Variants in TBL1XR1 observed in about 807,000 individuals in gnomAD.
The protein encoded by TBL1XR1 is TBL1X/Y related 1, also known as F-box-like/WD repeat-containing protein TBL1XR1.
A neutral mutation model predicts 66.9 loss-of-function variants in TBL1XR1; 5 were observed. The observed-to-expected ratio is 0.07, with a 90% CI of 0.04 to 0.16. The LOEUF (loss-of-function observed/expected upper bound fraction) is 0.16. TBL1XR1 is among the 10% of genes least tolerant of loss of function. The pLI is 1.00. For synonymous variants in TBL1XR1, 210 were observed against 206.0 expected, an observed-to-expected ratio of 1.02 and a Z score of -0.17; for missense variants, 238 against 623.2, an observed-to-expected ratio of 0.38 and a Z score of 6.58.
chr3:177,153,174 G>A (rs1731097205), intron 1 of TBL1XR1, among the ~76,000 whole-genome samples: 1 of 152,008 alleles, frequency 6.6e-6, no homozygotes, highest in Non-Finnish European at 1.5e-5. Flanking sequence ...GAAGTAAAAA[G>A]ATTAACACAT....
rs12636738 is a variant in TBL1XR1 at position 177,158,247 on chromosome 3, T to A, written c.-122+38874A>T. ...TTCTTTTCTTTTTTTTTTTTTTTTTTAAGACAGTCTTGCTCAGTCGCCCAG... is the reference window on the plus strand; with the variant it reads ...TTCTTTTCTTTTTTTTTTTTTTTTTAAAGACAGTCTTGCTCAGTCGCCCAG... On this transcript the variant is annotated intron_variant, in intron 1 of 15. Coordinates refer to ENST00000457928, the MANE Select transcript of TBL1XR1 (RefSeq NM_024665.7). Among the ~76,000 whole-genome samples the A allele has an allele frequency of 0.047, 6,774 of 145,434 alleles. 753 individuals carry two copies. The East Asian group carries it at 0.49, about 11-fold the overall frequency.
At chr3:177,160,368 G>A (rs1312113988) in intron 1 of TBL1XR1, among the ~76,000 whole-genome samples, 3 of 151,882 alleles carry the variant, frequency 2.0e-5, no homozygotes, top group East Asian at 3.9e-4. Flanking sequence ...CAGCTATTCA[G>A]GAGGCCAAGG....
intron 10 of TBL1XR1, among the ~76,000 whole-genome samples, chr3:177,044,525 C>G (rs1399483663): frequency 6.6e-6 from 1 of 152,012 alleles, no homozygotes; most frequent in African/African-American, 2.4e-5. Context: ...AGAGATATCA[C>G]TAAGGGGCAA....
At chr3:177,063,411 A>C (rs574896508) in intron 3 of TBL1XR1, among the ~76,000 whole-genome samples, 1 of 152,184 alleles carries the variant, frequency 6.6e-6, no homozygotes, top group Admixed American at 6.5e-5. Flanking sequence ...CCTTTACAAT[A>C]TATTTCCCAT....
chr3:177,037,772 TCATCCATCCATC>T (rs71170848), intron 12 of TBL1XR1: 21 of 183,590 alleles, frequency 1.1e-4, no homozygotes, highest in East Asian at 3.0e-4. Flanking sequence ...AGTAAATCTC[TCATCCATCCATC>T]CATCCATCCA....
At chr3:177,107,712 A>G (rs1052741649) in intron 1 of TBL1XR1, among the ~76,000 whole-genome samples, 8 of 152,176 alleles carry the variant, frequency 5.3e-5, no homozygotes, top group African/African-American at 1.9e-4. Context: ...TCATGAAACG[A>G]AACTACCTTT....
rs1560117197 is a variant in TBL1XR1, at chr3:177,050,614, C to A, written c.428-4G>T. 7 of 1,613,346 alleles carry A rather than the reference C, an allele frequency of 4.3e-6. No homozygotes were observed. The highest frequency in any genetic ancestry group is 5.9e-6 in the Non-Finnish European group (7 of 1,179,634). ...TCCATCATATCAGTATGATTATCTG[C>A]ATCGTGAAACACAAGTAAGCATTTC... is the stretch of plus-strand genomic sequence containing the variant. On this transcript the variant is annotated splice_polypyrimidine_tract_variant and splice_region_variant and intron_variant, in intron 5 of 15. Transcript: ENST00000457928.
At chr3:177,034,099 G>T in intron 13 of TBL1XR1, 99 bp downstream of exon 13, 106 of 1,021,740 alleles carry the variant, frequency 1.0e-4, no homozygotes, top group Non-Finnish European at 1.3e-4. Flanking sequence ...AAAAAAAAAA[G>T]TTTCCACTTC....
intron 1 of TBL1XR1, among the ~76,000 whole-genome samples, chr3:177,180,272 A>C (rs1287386143): frequency 1.3e-5 from 2 of 151,174 alleles, no homozygotes; most frequent in Non-Finnish European, 2.9e-5. Flanking sequence ...ACCCACTACA[A>C]GAAACAGAGC....
chr3:177,102,979 G>A (rs1724410097), intron 1 of TBL1XR1, among the ~76,000 whole-genome samples: 1 of 152,166 alleles, frequency 6.6e-6, no homozygotes, highest in South Asian at 2.1e-4. Context: ...TTCCCTAACA[G>A]AACTAAGAAT....
intron 2 of TBL1XR1, among the ~76,000 whole-genome samples, chr3:177,069,881 A>G (rs1719741122): frequency 6.6e-6 from 1 of 152,176 alleles, no homozygotes; most frequent in South Asian, 2.1e-4. Flanking sequence ...TCAATTATTC[A>G]TTAGTTAACT....
chr3:177,068,832 T>C (rs931640119), intron 2 of TBL1XR1, among the ~76,000 whole-genome samples: 3 of 152,196 alleles, frequency 2.0e-5, no homozygotes, highest in African/African-American at 7.2e-5. Flanking sequence ...AATAAGATTA[T>C]CTTCTTAAAT....
chr3:177,081,007 G>C (rs921020944), intron 2 of TBL1XR1, among the ~76,000 whole-genome samples: 1 of 152,154 alleles, frequency 6.6e-6, no homozygotes, highest in African/African-American at 2.4e-5. Context: ...ACTTTTAAAG[G>C]ATGTAAAGAT....
intron 2 of TBL1XR1, 134 bp from the exon 3 acceptor site, chr3:177,065,156 G>A (rs1228409455): frequency 1.0e-5 from 5 of 497,282 alleles, no homozygotes; most frequent in Non-Finnish European, 1.6e-5. Context: ...AATAAAACCT[G>A]ACAAAGTTGC....
intron 2 of TBL1XR1, among the ~76,000 whole-genome samples, chr3:177,077,004 T>C (rs1720779192): frequency 6.6e-6 from 1 of 152,222 alleles, no homozygotes; most frequent in Non-Finnish European, 1.5e-5. Context: ...GAGCATGTCC[T>C]ATATGGGGTC....
intron 1 of TBL1XR1, among the ~76,000 whole-genome samples, chr3:177,114,289 T>A (rs1457381140): frequency 6.6e-6 from 1 of 151,464 alleles, no homozygotes; most frequent in Non-Finnish European, 1.5e-5. Flanking sequence ...ACATCATATA[T>A]ATGGATACAT....
intron 1 of TBL1XR1, among the ~76,000 whole-genome samples, chr3:177,195,309 C>G (rs1476185732): frequency 1.3e-5 from 2 of 151,906 alleles, no homozygotes; most frequent in African/African-American, 4.8e-5. Flanking sequence ...GCCCCTCCCC[C>G]ACAGGTAAAT....
intron 1 of TBL1XR1, among the ~76,000 whole-genome samples, chr3:177,181,335 C>T (rs1734795394): frequency 6.6e-6 from 1 of 151,956 alleles, no homozygotes; most frequent in Admixed American, 6.6e-5. Context: ...CAAAAATTAG[C>T]CAGGTGTGGT....
intron 10 of TBL1XR1, among the ~76,000 whole-genome samples, chr3:177,042,313 C>T (rs1715696932): frequency 6.6e-6 from 1 of 151,914 alleles, no homozygotes. Flanking sequence ...TTCACAAGGC[C>T]AAATATATGT....
Sources: gnomAD v4.1 joint callset for allele counts (sites outside exome capture counted in the v4.1 genomes callset) on GRCh38, gnomAD v4.1.1 for gene constraint, MANE v1.5 for transcripts, NCBI Gene and HGNC (gene_info 2026-07-23, HGNC 2026-07-21) for gene names.